FAT3: variants seen among roughly 807,000 people sequenced by gnomAD.
The protein encoded by FAT3 is FAT atypical cadherin 3, also known as protocadherin Fat 3.
A neutral mutation model predicts 310.2 loss-of-function variants in FAT3; 95 were observed. The ratio of observed to expected loss-of-function variants is 0.31; its 90% CI spans 0.26 to 0.36. FAT3 has a LOEUF of 0.36. Ranked by LOEUF, FAT3 falls within the 10% of genes least tolerant of loss-of-function variation. The pLI, the probability that FAT3 is intolerant of heterozygous loss-of-function variation, is 1.00. For synonymous variants in FAT3, 2,314 were observed against 2,192.9 expected (o/e 1.06, Z -1.54); for missense variants, 5,408 against 5,715.6 (o/e 0.95, Z 1.74).
At chr11:92,334,788 C>T (rs1948013190) in intron 1 of FAT3, among the ~76,000 whole-genome samples, 3 of 152,190 alleles carry the variant, frequency 2.0e-5, no homozygotes, top group Admixed American at 1.3e-4. Flanking sequence ...GAAACAGCCC[C>T]AGGCCAGCAT....
chr11:92,673,461 G>A (rs1169530226), intron 3 of FAT3, among the ~76,000 whole-genome samples: 2 of 152,128 alleles, frequency 1.3e-5, no homozygotes, highest in Non-Finnish European at 2.9e-5. Flanking sequence ...AAGTACATCA[G>A]CAATAACAGG....
At chr11:92,363,866 T>C (rs1948944903) in intron 2 of FAT3, among the ~76,000 whole-genome samples, 1 of 152,210 alleles carries the variant, frequency 6.6e-6, no homozygotes, top group South Asian at 2.1e-4. Context: ...CACAACATTC[T>C]GATGAACTTT....
intron 4 of FAT3, among the ~76,000 whole-genome samples, chr11:92,705,447 GT>G (rs2135930572): frequency 1.3e-5 from 1 of 75,062 alleles, no homozygotes; most frequent in Non-Finnish European, 3.4e-5. Flanking sequence ...TGGTGGTGGT[GT>G]GATGGTGGTG....
At chr11:92,425,088 G>C (rs1950601941) in intron 2 of FAT3, among the ~76,000 whole-genome samples, 1 of 151,866 alleles carries the variant, frequency 6.6e-6, no homozygotes, top group Non-Finnish European at 1.5e-5. Flanking sequence ...CATTTAACTT[G>C]TTTTGAGTTA....
At chr11:92,551,615 T>G (rs879267253) in intron 3 of FAT3, among the ~76,000 whole-genome samples, 6 of 152,128 alleles carry the variant, frequency 3.9e-5, no homozygotes, top group South Asian at 2.1e-4. Flanking sequence ...TCTTAAAACA[T>G]TCAAAGAAAC....
intron 1 of FAT3, chr11:92,314,369 T>C (rs1190566685): frequency 6.3e-6 from 5 of 798,774 alleles, no homozygotes; most frequent in Non-Finnish European, 7.6e-6. Context: ...AAAAAACATA[T>C]GAAGCCCCTC....
chr11:92,719,063 A>G (rs1314582783), intron 4 of FAT3, among the ~76,000 whole-genome samples: 2 of 152,186 alleles, frequency 1.3e-5, no homozygotes, highest in African/African-American at 4.8e-5. Context: ...TTTTTACAGT[A>G]TTAGGTTCCT....
At chr11:92,471,914 GCTATATATATATATATAT>G (rs1366261565) in intron 2 of FAT3, among the ~76,000 whole-genome samples, 11 of 62,916 alleles carry the variant, frequency 1.7e-4, no homozygotes, top group African/African-American at 5.3e-4. Flanking sequence ...CTTTTCATAT[GCTATATATATATATATAT>G]ATATATATAT....
chr11:92,318,645 A>T (rs1947529363), intron 1 of FAT3, among the ~76,000 whole-genome samples: 1 of 152,160 alleles, frequency 6.6e-6, no homozygotes, highest in Non-Finnish European at 1.5e-5. Context: ...AGGAATCATA[A>T]TTTTTTGGAA....
At chr11:92,839,320 C>T (rs973324905) in intron 17 of FAT3, among the ~76,000 whole-genome samples, 2 of 152,168 alleles carry the variant, frequency 1.3e-5, no homozygotes, top group African/African-American at 4.8e-5. Context: ...CTCTCTCCCT[C>T]TCTTCTATGC....
At chr11:92,706,500 G>T (rs915500402) in intron 4 of FAT3, among the ~76,000 whole-genome samples, 11 of 151,874 alleles carry the variant, frequency 7.2e-5, no homozygotes, top group Non-Finnish European at 1.6e-4. Flanking sequence ...AAGCAGGTAG[G>T]CCCAGTATCA....
intron 3 of FAT3, among the ~76,000 whole-genome samples, chr11:92,612,593 A>G (rs1940618397): frequency 6.6e-6 from 1 of 152,230 alleles, no homozygotes; most frequent in Admixed American, 6.5e-5. Context: ...AAGTAACACA[A>G]ATTGTGCTGG....
intron 2 of FAT3, among the ~76,000 whole-genome samples, chr11:92,386,164 C>T (rs901155630): frequency 1.3e-5 from 2 of 152,148 alleles, no homozygotes; most frequent in African/African-American, 4.8e-5. Flanking sequence ...AGAAAATAAA[C>T]TCATCCTTTC....
chr11:92,580,354 A>T (rs1024281487), intron 3 of FAT3, among the ~76,000 whole-genome samples: 1 of 152,024 alleles, frequency 6.6e-6, no homozygotes, highest in South Asian at 2.1e-4. Context: ...TATGTTTGAA[A>T]TGTTCTTCCC....
intron 3 of FAT3, among the ~76,000 whole-genome samples, chr11:92,607,932 C>G (rs1940380570): frequency 6.6e-6 from 1 of 152,124 alleles, no homozygotes; most frequent in African/African-American, 2.4e-5. Flanking sequence ...GAGCTGGCAT[C>G]TATCATATCT....
chr11:92,248,356 A>G (rs1040122529), intron 1 of FAT3, among the ~76,000 whole-genome samples: 3 of 152,130 alleles, frequency 2.0e-5, no homozygotes, highest in South Asian at 2.1e-4. Context: ...CATGTCTCAT[A>G]CAGATGGCAT....
intron 2 of FAT3, among the ~76,000 whole-genome samples, chr11:92,490,669 GA>G (rs1451659407): frequency 1.3e-5 from 2 of 151,948 alleles, no homozygotes; most frequent in Non-Finnish European, 2.9e-5. Flanking sequence ...TGCATTGAAG[GA>G]AAAAAGCTCA....
chr11:92,595,727 C>G (rs572879942), intron 3 of FAT3, among the ~76,000 whole-genome samples: 9 of 152,166 alleles, frequency 5.9e-5, no homozygotes, highest in Non-Finnish European at 1.0e-4. Context: ...GGTAGTGTAT[C>G]AGGCATTAGA....
intron 3 of FAT3, among the ~76,000 whole-genome samples, chr11:92,601,314 C>T (rs1288994607): frequency 6.6e-6 from 1 of 151,830 alleles, no homozygotes; most frequent in Non-Finnish European, 1.5e-5. Context: ...AATCCCGGCA[C>T]TTTGCGAAGC....
Sources: allele counts gnomAD v4.1 joint callset (sites outside exome capture counted in the v4.1 genomes callset), GRCh38; gene constraint gnomAD v4.1.1; transcripts MANE v1.5; gene names NCBI Gene and HGNC (gene_info 2026-07-23, HGNC 2026-07-21).